The following NIPBL variants were observed in gnomAD, a reference collection of about 807,000 sequenced individuals.
NIPBL encodes the protein NIPBL cohesin loading factor, also known as nipped-B-like protein.
A neutral mutation model predicts 321.8 loss-of-function variants in NIPBL; 19 were observed. The ratio of observed to expected loss-of-function variants is 0.06; its 90% CI spans 0.04 to 0.09. NIPBL has a LOEUF of 0.09. NIPBL is among the 10% of genes least tolerant of loss of function. The pLI is 1.00. For synonymous variants in NIPBL, 1,106 were observed against 1,114.1 expected (o/e 0.99, Z 0.14); for missense variants, 2,210 against 3,327.0 (o/e 0.66, Z 8.26).
chr5:36,922,306 T>A (rs767907302), intron 1 of NIPBL, among the ~76,000 whole-genome samples: 1 of 152,184 alleles, frequency 6.6e-6, no homozygotes, highest in Non-Finnish European at 1.5e-5. Context: ...TGGATTTTTA[T>A]CATAATTTTT....
At position 36,984,763 on chromosome 5, in the gene NIPBL, C is replaced by T. The variant is rs574981584; in HGVS notation, c.1583C>T (p.Thr528Met). ...GGTAATAGACCAGCTTCTCAGGAGACGGGTTCTACGGGAAATGGGTCAAGG... is the reference window on the plus strand; with the variant it reads ...GGTAATAGACCAGCTTCTCAGGAGATGGGTTCTACGGGAAATGGGTCAAGG... Reference protein sequence around the residue: ...TGGNRPASQETGSTGNGSRPA... With the variant: ...TGGNRPASQEMGSTGNGSRPA... The change falls in exon 10 of 47, where the codon ACG (threonine) becomes ATG (methionine). Residue 528 changes from threonine to methionine, a missense_variant. Transcript: ENST00000282516. 23 of 1,613,674 alleles carry T rather than the reference C, an allele frequency of 1.4e-5. 1 individual carries two copies. Among genetic ancestry groups the T allele is most frequent in the Middle Eastern group, 1.7e-4 (1 of 6,056 alleles).
chr5:36,887,709 C>G (rs769110124), intron 1 of NIPBL, among the ~76,000 whole-genome samples: 4 of 152,128 alleles, frequency 2.6e-5, no homozygotes, highest in Non-Finnish European at 5.9e-5. Flanking sequence ...ATTCACATGA[C>G]TTGTTACATG....
intron 1 of NIPBL, chr5:36,885,958 A>G (rs1455396391): frequency 9.5e-6 from 7 of 733,564 alleles, no homozygotes; most frequent in Admixed American, 8.7e-5. Flanking sequence ...TGGCAGACAT[A>G]CAGGCCCAAT....
intron 1 of NIPBL, among the ~76,000 whole-genome samples, chr5:36,942,208 G>A (rs1041276305): frequency 1.8e-4 from 27 of 150,864 alleles, no homozygotes; most frequent in African/African-American, 6.1e-4. Flanking sequence ...GGAGTGGGGC[G>A]GATCACCTCA....
chr5:36,958,065 C>T (rs1014348776), intron 3 of NIPBL, 39 bp from the exon 4 acceptor site: 1 of 1,602,064 alleles, frequency 6.2e-7, no homozygotes, highest in African/African-American at 1.3e-5. Context: ...AAGAATCAGT[C>T]ACCATTTTAA....
At position 36,886,228 on chromosome 5, in the gene NIPBL, C is replaced by T. The variant is rs536322438; in HGVS notation, c.-80+9050C>T. The T allele has an allele frequency of 9.1e-6, 6 of 660,450 alleles. No individual in the cohort carries two copies. In the East Asian group the frequency reaches 1.2e-4, roughly 13 times the overall value. The allele number at this position is 660,450 out of a possible 1,614,324, so 40.9% of individuals were successfully genotyped here. A position where few individuals can be genotyped will look rare whatever the true frequency, so the allele number is the denominator to read the frequency against. On this transcript the variant is annotated intron_variant, in intron 1 of 46. Transcript: ENST00000282516. The stretch of plus-strand genomic sequence containing the variant: ...GCAGGTAGAGCAGCTCAACAGAATC[C>T]TGCTGCACCTGGAGTCAGAGCTGGC...
chr5:36,930,137 T>A (rs1749673513), intron 1 of NIPBL, among the ~76,000 whole-genome samples: 1 of 152,062 alleles, frequency 6.6e-6, no homozygotes, highest in Non-Finnish European at 1.5e-5. Context: ...TGAAAAAGAT[T>A]ATGTTGAATC....
intron 9 of NIPBL, among the ~76,000 whole-genome samples, chr5:36,978,853 T>C (rs1743815607): frequency 6.6e-6 from 1 of 151,720 alleles, no homozygotes; most frequent in South Asian, 2.1e-4. Flanking sequence ...GTGTACTTTT[T>C]CCATTGTTTA....
intron 42 of NIPBL, among the ~76,000 whole-genome samples, 164 bp from the exon 43 acceptor site, chr5:37,057,022 C>A (rs1490490230): frequency 1.3e-5 from 2 of 151,916 alleles, no homozygotes; most frequent in Non-Finnish European, 2.9e-5. Flanking sequence ...TCCTCCTCTC[C>A]CTCTGTCTCT....
Position 36,971,174 on chromosome 5 carries a change from A to G in NIPBL, c.771+138A>G, listed in dbSNP as rs1311880361. 3.7e-5 allele frequency: 27 copies of G among 739,378 alleles called. No homozygotes were observed. In the East Asian group the frequency reaches 7.0e-4, roughly 19 times the overall value. The allele number at this position is 739,378 out of a possible 1,614,324, so 45.8% of individuals were successfully genotyped here. A position where few individuals can be genotyped will look rare whatever the true frequency, so the allele number is the denominator to read the frequency against. On this transcript the variant is annotated intron_variant, in intron 7 of 46. Coordinates refer to ENST00000282516, the MANE Select transcript of NIPBL (RefSeq NM_133433.4). ...ACTGAGTACAACATGGCTCCTGCAC[A>G]TACAGAGCTTAGTCTAGAGCAGGAT...
intron 1 of NIPBL, among the ~76,000 whole-genome samples, chr5:36,925,201 T>TC (rs1214253225): frequency 6.6e-6 from 1 of 152,154 alleles, no homozygotes; most frequent in East Asian, 1.9e-4. Context: ...AACACTCTTT[T>TC]CTAGTATATC....
intron 1 of NIPBL, among the ~76,000 whole-genome samples, chr5:36,944,834 A>G (rs1263264879): frequency 6.6e-6 from 1 of 152,144 alleles, no homozygotes; most frequent in African/African-American, 2.4e-5. Flanking sequence ...TTTCACATAA[A>G]AGCCTTTTCC....
chr5:37,028,333 C>T (rs370190136), intron 32 of NIPBL, among the ~76,000 whole-genome samples: 3 of 102,540 alleles, frequency 2.9e-5, no homozygotes, highest in African/African-American at 1.3e-4. Context: ...TTCCATAATA[C>T]TTTTTTTTTT....
At chr5:36,979,626 T>A (rs1041030988) in intron 9 of NIPBL, among the ~76,000 whole-genome samples, 1 of 151,652 alleles carries the variant, frequency 6.6e-6, no homozygotes, top group African/African-American at 2.4e-5. Context: ...AATTTTTTTT[T>A]AAACTGGTAA....
intron 1 of NIPBL, chr5:36,885,465 A>G (rs939315688): frequency 1.7e-5 from 8 of 483,460 alleles, no homozygotes; most frequent in Non-Finnish European, 2.4e-5. Context: ...CAAAGCCTGA[A>G]CAACCACCTG....
intron 8 of NIPBL, among the ~76,000 whole-genome samples, chr5:36,973,967 A>C (rs1004791723): frequency 6.6e-6 from 1 of 152,166 alleles, no homozygotes; most frequent in African/African-American, 2.4e-5. Flanking sequence ...CATAGAGTGA[A>C]AGTTGAGCTG....
At chr5:36,982,709 G>A (rs536938251) in intron 9 of NIPBL, among the ~76,000 whole-genome samples, 1 of 151,718 alleles carries the variant, frequency 6.6e-6, no homozygotes, top group South Asian at 2.1e-4. Context: ...TACGTAAATT[G>A]GATTGAGGTT....
intron 5 of NIPBL, among the ~76,000 whole-genome samples, 185 bp downstream of exon 5, chr5:36,961,768 T>A (rs1741654898): frequency 6.6e-6 from 1 of 152,210 alleles, no homozygotes; most frequent in Non-Finnish European, 1.5e-5. Flanking sequence ...ATATGCTAAT[T>A]GAAGTAGCTA....
intron 14 of NIPBL, among the ~76,000 whole-genome samples, chr5:37,001,429 A>G (rs920050161): frequency 6.6e-6 from 1 of 152,176 alleles, no homozygotes; most frequent in African/African-American, 2.4e-5. Context: ...TCAAGTATAT[A>G]TTAATCAAGT....
Sources: allele counts gnomAD v4.1 joint callset (sites outside exome capture counted in the v4.1 genomes callset), GRCh38; gene constraint gnomAD v4.1.1; transcripts MANE v1.5; gene names NCBI Gene and HGNC (gene_info 2026-07-23, HGNC 2026-07-21).